MAD1L1: variants seen among roughly 807,000 people sequenced by gnomAD.
MAD1L1 encodes mitotic spindle assembly checkpoint protein MAD1.
Under a neutral mutation model 96.9 loss-of-function variants are expected in MAD1L1, and 95 were observed. The ratio of observed to expected loss-of-function variants is 0.98; its 90% CI spans 0.83 to 1.16. The LOEUF (loss-of-function observed/expected upper bound fraction) is 1.16, where lower values mean the gene tolerates loss of function less well. Among genes scored for constraint, MAD1L1 ranks in the 50% most tolerant of loss-of-function variants. MAD1L1 has a pLI of 0.00. For missense variants in MAD1L1, 1,007 were observed against 954.4 expected, an observed-to-expected ratio of 1.06 and a Z score of -0.73; for synonymous variants, 473 against 396.6, an observed-to-expected ratio of 1.19 and a Z score of -2.29.
In MAD1L1 at chr7:1,929,750, G is replaced by A. The variant is rs867268575; in HGVS notation, c.1807+6937C>T. On this transcript the variant is annotated intron_variant, in intron 17 of 18. Transcript: ENST00000265854. ...CCCCACTGCCACGTCCCCTCGCCCC[G>A]TCCCCACTGCCACGTCCCCTCGCCC... Among the ~76,000 whole-genome samples the A allele has an allele frequency of 7.2e-3, 501 of 69,744 alleles. 1 individual carries two copies. The highest frequency in any genetic ancestry group is 0.032 in the African/African-American group (473 of 14,652). 45.8% of individuals were successfully genotyped at this position (69,744 alleles called of 152,430 possible).
chr7:1,946,896 G>A (rs1235424329), intron 16 of MAD1L1, among the ~76,000 whole-genome samples: 1 of 152,234 alleles, frequency 6.6e-6, no homozygotes, highest in African/African-American at 2.4e-5. Flanking sequence ...CCTCGGCCTC[G>A]ACGGCCCGTT....
At chr7:1,926,501 G>T (rs998723562) in intron 17 of MAD1L1, among the ~76,000 whole-genome samples, 4 of 130,276 alleles carry the variant, frequency 3.1e-5, no homozygotes, top group African/African-American at 1.2e-4. Flanking sequence ...TCAGCAACAT[G>T]TAAAAATACT....
At chr7:2,030,030 T>C (rs1783150568) in intron 12 of MAD1L1, among the ~76,000 whole-genome samples, 1 of 152,160 alleles carries the variant, frequency 6.6e-6, no homozygotes, top group Admixed American at 6.5e-5. Context: ...CACAGTCCTG[T>C]GGACACCGGG....
At chr7:2,066,511 G>A (rs557957641) in intron 12 of MAD1L1, among the ~76,000 whole-genome samples, 2 of 152,348 alleles carry the variant, frequency 1.3e-5, no homozygotes, top group Admixed American at 6.5e-5. Flanking sequence ...CACAGAGCAG[G>A]CCCGCGAGCA....
chr7:2,183,073 T>G (rs1250843953), intron 10 of MAD1L1, among the ~76,000 whole-genome samples: 1 of 151,704 alleles, frequency 6.6e-6, no homozygotes, highest in Non-Finnish European at 1.5e-5. Flanking sequence ...AGAGAAAAAA[T>G]TAGCCAGGTG....
At chr7:1,844,954 T>C (rs566569306) in intron 18 of MAD1L1, among the ~76,000 whole-genome samples, 2 of 152,274 alleles carry the variant, frequency 1.3e-5, no homozygotes, top group East Asian at 3.9e-4. Context: ...AGGGTCACTG[T>C]CCCGCCATCA....
chr7:1,855,383 T>G (rs1485679869), intron 18 of MAD1L1, among the ~76,000 whole-genome samples: 1 of 151,914 alleles, frequency 6.6e-6, no homozygotes, highest in African/African-American at 2.4e-5. Context: ...TAAGTTCCGC[T>G]TCCTTCTGCT....
chr7:1,825,846 C>T (rs1367530071), intron 18 of MAD1L1, among the ~76,000 whole-genome samples: 1 of 152,010 alleles, frequency 6.6e-6, no homozygotes, highest in African/African-American at 2.4e-5. Context: ...GTCCCAGCCC[C>T]GGGGTTGGAG....
At chr7:2,216,582 C>T (rs150326949) in intron 7 of MAD1L1, among the ~76,000 whole-genome samples, 3 of 152,258 alleles carry the variant, frequency 2.0e-5, no homozygotes, top group African/African-American at 7.2e-5. Context: ...CTGTCCCACT[C>T]CAAGAGTGAC....
At chr7:2,005,377 C>T (rs574009229) in intron 13 of MAD1L1, among the ~76,000 whole-genome samples, 14 of 152,218 alleles carry the variant, frequency 9.2e-5, no homozygotes, top group South Asian at 2.1e-4. Flanking sequence ...CTCGCTCTGT[C>T]GTCCGACAGG....
chr7:1,910,015 G>A (rs1203288940), intron 17 of MAD1L1, among the ~76,000 whole-genome samples: 10 of 152,238 alleles, frequency 6.6e-5, no homozygotes, highest in Admixed American at 5.9e-4. Context: ...CCAGCAAGCA[G>A]CTTGTCACCT....
chr7:2,125,873 G>A (rs530805452), intron 11 of MAD1L1, among the ~76,000 whole-genome samples: 4 of 136,980 alleles, frequency 2.9e-5, no homozygotes, highest in Admixed American at 1.6e-4. Flanking sequence ...CTGAAAGTCA[G>A]CTTACGCGTC....
intron 17 of MAD1L1, among the ~76,000 whole-genome samples, chr7:1,908,414 C>A (rs1467690537): frequency 6.6e-6 from 1 of 152,172 alleles, no homozygotes. Flanking sequence ...CAGGGTCTCA[C>A]TCTGTCACCC....
intron 10 of MAD1L1, among the ~76,000 whole-genome samples, chr7:2,191,902 G>C (rs867839784): frequency 2.0e-5 from 3 of 151,886 alleles, no homozygotes; most frequent in Middle Eastern, 6.8e-3. Context: ...GCAGTGGCAG[G>C]CACCTGTAAT....
chr7:1,830,246 A>C (rs1239143249), intron 18 of MAD1L1, among the ~76,000 whole-genome samples: 1 of 152,098 alleles, frequency 6.6e-6, no homozygotes, highest in African/African-American at 2.4e-5. Flanking sequence ...AAAATACAAA[A>C]ATTGGCCACG....
Position 1,898,217 on chromosome 7 carries a change from C to G in MAD1L1, c.1981G>C (p.Asp661His), listed in dbSNP as rs781515825. 2 of 1,611,096 alleles carry G rather than the reference C, an allele frequency of 1.2e-6. No individual in the cohort carries two copies. The highest frequency in any genetic ancestry group is 1.7e-6 in the Non-Finnish European group (2 of 1,178,658). The change falls in exon 18 of 19, where the codon GAC becomes CAC. Residue 661 changes from aspartate to histidine, a missense_variant. Physicochemically the swap from Asp to His is moderately conservative, Grantham distance 81. Coordinates refer to ENST00000265854, the MANE Select transcript of MAD1L1 (RefSeq NM_001013836.2). The part of the protein sequence containing the change: ...LTSLYAEHPG[D>H]CLIFKATSPS... ...GGACCCACCTTGAAGATGAGGCAGT[C>G]GCCTGGGTGCTCGGCGTACAGCGAG...
At chr7:1,937,583 C>T (rs899202269) in intron 16 of MAD1L1, among the ~76,000 whole-genome samples, 2 of 151,692 alleles carry the variant, frequency 1.3e-5, no homozygotes, top group Non-Finnish European at 2.9e-5. Context: ...GGGACAGCCG[C>T]CCACAGCAGG....
intron 18 of MAD1L1, among the ~76,000 whole-genome samples, chr7:1,881,617 G>A (rs1785685296): frequency 1.3e-5 from 2 of 152,186 alleles, no homozygotes; most frequent in African/African-American, 4.8e-5. Context: ...AGCACATTAT[G>A]CAACCATTAA....
intron 10 of MAD1L1, among the ~76,000 whole-genome samples, chr7:2,167,309 A>T (rs1216149322): frequency 6.6e-6 from 1 of 152,172 alleles, no homozygotes; most frequent in Non-Finnish European, 1.5e-5. Context: ...GCACTTTGGG[A>T]GGCTGAGGCG....
Sources: gnomAD v4.1 joint callset for allele counts (sites outside exome capture counted in the v4.1 genomes callset) on GRCh38, gnomAD v4.1.1 for gene constraint, MANE v1.5 for transcripts, NCBI Gene and HGNC (gene_info 2026-07-23, HGNC 2026-07-21) for gene names.